Variants in BMPR2 observed in about 807,000 individuals in gnomAD.
BMPR2 encodes bone morphogenetic protein receptor type 2, also known as bone morphogenetic protein receptor type-2.
A neutral mutation model predicts 100.8 loss-of-function variants in BMPR2; 29 were observed. The observed-to-expected ratio is 0.29, with a 90% CI of 0.21 to 0.39. The LOEUF (loss-of-function observed/expected upper bound fraction) is 0.39, where lower values mean the gene tolerates loss of function less well. Among genes scored for constraint, BMPR2 ranks in the 10% least tolerant of loss-of-function variants. The pLI is 1.00. For synonymous variants in BMPR2, 382 were observed against 442.3 expected (o/e 0.86, Z 1.71); for missense variants, 1,011 against 1,274.5 (o/e 0.79, Z 3.15).
intron 2 of BMPR2, among the ~76,000 whole-genome samples, chr2:202,465,865 A>T (rs1692310556): frequency 6.6e-6 from 1 of 152,172 alleles, no homozygotes; most frequent in Admixed American, 6.5e-5. Context: ...AAAAAAAAAA[A>T]TTAGGAACAT....
intron 7 of BMPR2, among the ~76,000 whole-genome samples, chr2:202,523,409 T>G (rs975763530): frequency 1.3e-5 from 2 of 152,220 alleles, no homozygotes; most frequent in Non-Finnish European, 2.9e-5. Flanking sequence ...CAAATAATTC[T>G]ACCAGAGAGA....
chr2:202,402,009 G>T (rs973132415), intron 1 of BMPR2, among the ~76,000 whole-genome samples: 3 of 152,188 alleles, frequency 2.0e-5, no homozygotes, highest in African/African-American at 4.8e-5. Context: ...CTGTCTTTTA[G>T]GGGAAGGCTG....
At position 202,436,449 on chromosome 2, in the gene BMPR2, A is replaced by G. The variant is rs542028247; in HGVS notation, c.77-28360A>G. Among the ~76,000 whole-genome samples, 5 of 149,744 alleles carry G rather than the reference A, an allele frequency of 3.3e-5. No homozygotes were observed. In the South Asian group the frequency reaches 8.5e-4, roughly 25 times the overall value. ...GGATAGAGTGAGACCCTGTCTCAAG[A>G]AAAAAAAACAACAACAGCAGCAACA... On this transcript the variant is annotated intron_variant, in intron 1 of 12. Coordinates refer to ENST00000374580, the MANE Select transcript of BMPR2 (RefSeq NM_001204.7).
intron 9 of BMPR2, among the ~76,000 whole-genome samples, chr2:202,534,944 C>T (rs1398894657): frequency 2.1e-5 from 3 of 141,424 alleles, no homozygotes; most frequent in Admixed American, 6.9e-5. Context: ...GCTGGCCGGG[C>T]GGGGGGCTGA....
chr2:202,553,815 A>G (rs1402227010), intron 11 of BMPR2, among the ~76,000 whole-genome samples: 3 of 152,026 alleles, frequency 2.0e-5, no homozygotes, highest in African/African-American at 7.2e-5. Context: ...CGGCCTCCCG[A>G]GTAGCTGAGA....
chr2:202,500,655 G>A (rs1574479968), intron 3 of BMPR2, among the ~76,000 whole-genome samples: 3 of 152,234 alleles, frequency 2.0e-5, no homozygotes, highest in South Asian at 2.1e-4. Flanking sequence ...AGGAAATGCA[G>A]GAGTCCCTGA....
chr2:202,391,465 C>T (rs553996290), intron 1 of BMPR2, among the ~76,000 whole-genome samples: 208 of 151,986 alleles, frequency 1.4e-3, no homozygotes, highest in African/African-American at 4.5e-3. Context: ...CCACCATGCC[C>T]GGCTAATTTT....
chr2:202,482,171 T>C (rs955752101), intron 3 of BMPR2, among the ~76,000 whole-genome samples: 4 of 152,224 alleles, frequency 2.6e-5, no homozygotes, highest in Non-Finnish European at 5.9e-5. Context: ...TTTTGAAGGC[T>C]GAATAATATT....
chr2:202,453,071 T>C (rs1692019488), intron 1 of BMPR2, among the ~76,000 whole-genome samples: 1 of 152,166 alleles, frequency 6.6e-6, no homozygotes, highest in Non-Finnish European at 1.5e-5. Flanking sequence ...TTCTAGATTA[T>C]GTAGGTCCTT....
intron 3 of BMPR2, among the ~76,000 whole-genome samples, chr2:202,486,794 G>A (rs1016045725): frequency 1.3e-5 from 2 of 152,166 alleles, no homozygotes; most frequent in African/African-American, 4.8e-5. Flanking sequence ...GGCAAGCCAA[G>A]GCAGGAGAAT....
At chr2:202,465,456 TA>T (rs1489000466) in intron 2 of BMPR2, among the ~76,000 whole-genome samples, 9 of 152,222 alleles carry the variant, frequency 5.9e-5, no homozygotes, top group Admixed American at 4.6e-4. Flanking sequence ...ATTTTTAGAT[TA>T]TTTTTAAAAC....
chr2:202,494,699 G>A (rs1489886094), intron 3 of BMPR2, among the ~76,000 whole-genome samples: 1 of 152,224 alleles, frequency 6.6e-6, no homozygotes, highest in Non-Finnish European at 1.5e-5. Context: ...CATAGATGTA[G>A]CATATGTTAT....
At chr2:202,483,814 G>A (rs1046673174) in intron 3 of BMPR2, among the ~76,000 whole-genome samples, 5 of 152,216 alleles carry the variant, frequency 3.3e-5, no homozygotes, top group Non-Finnish European at 7.3e-5. Context: ...TCTTTTGACC[G>A]GGTACAGTGG....
At position 202,448,694 on chromosome 2, in the gene BMPR2, G is replaced by A. The variant is rs186517809; in HGVS notation, c.77-16115G>A. Reference sequence around the variant, plus strand: ...GATGGTCTCGATCTCCTGACCCCATGATCCGCCTGCCTCGGCCTCCCAAAG... The same window carrying A: ...GATGGTCTCGATCTCCTGACCCCATAATCCGCCTGCCTCGGCCTCCCAAAG... On this transcript the variant is annotated intron_variant, in intron 1 of 12. Coordinates refer to ENST00000374580, the MANE Select transcript of BMPR2 (RefSeq NM_001204.7). 6.2e-3 allele frequency among the ~76,000 whole-genome samples: 939 copies of A among 151,648 alleles called. 11 individuals carry two copies. The highest frequency in any genetic ancestry group is 9.3e-3 in the Non-Finnish European group (632 of 67,948).
intron 10 of BMPR2, among the ~76,000 whole-genome samples, chr2:202,546,891 C>T (rs902278001): frequency 1.1e-4 from 17 of 150,196 alleles, no homozygotes; most frequent in Non-Finnish European, 2.4e-4. Context: ...CATGAGCCAC[C>T]GTGCCCAGCC....
intron 2 of BMPR2, among the ~76,000 whole-genome samples, chr2:202,466,257 A>G (rs1692319028): frequency 6.6e-6 from 1 of 152,100 alleles, no homozygotes; most frequent in Admixed American, 6.5e-5. Flanking sequence ...CACTGTATGA[A>G]CGTGTCTGTG....
chr2:202,520,316 TAGTC>T (rs1687798805), intron 7 of BMPR2, 115 bp downstream of exon 7: 3 of 779,910 alleles, frequency 3.8e-6, no homozygotes, highest in African/African-American at 1.7e-5. Context: ...GATTTATTAT[TAGTC>T]AGTTGTTTGA....
rs552805809 is a variant in BMPR2, at chr2:202,391,156, A to G, written c.76+13606A>G. 3.8e-3 allele frequency among the ~76,000 whole-genome samples: 578 copies of G among 151,594 alleles called. 3 individuals carry two copies. Among genetic ancestry groups the G allele is most frequent in the African/African-American group, 0.013 (546 of 41,348 alleles). On this transcript the variant is annotated intron_variant, in intron 1 of 12. Transcript: ENST00000374580. Reference sequence around the variant, plus strand: ...CACCCCCAGCTAATTTTGTATTTTTAGTAGAGACAGGGTTTCTCCATGTTG... The same window carrying G: ...CACCCCCAGCTAATTTTGTATTTTTGGTAGAGACAGGGTTTCTCCATGTTG...
chr2:202,467,295 A>G (rs1162843998), intron 2 of BMPR2, among the ~76,000 whole-genome samples: 3 of 152,174 alleles, frequency 2.0e-5, no homozygotes, highest in East Asian at 1.9e-4. Flanking sequence ...TAGATTAATC[A>G]TGCAGTTAAA....
Sources: allele counts gnomAD v4.1 joint callset (sites outside exome capture counted in the v4.1 genomes callset), GRCh38; gene constraint gnomAD v4.1.1; transcripts MANE v1.5; gene names NCBI Gene and HGNC (gene_info 2026-07-23, HGNC 2026-07-21).